Variants in RAPGEF2 observed in about 807,000 individuals in gnomAD.
The protein encoded by RAPGEF2 is Rap guanine nucleotide exchange factor 2.
In RAPGEF2, 54 loss-of-function variants were observed where a neutral mutation model predicts 186.7. The observed-to-expected ratio is 0.29, with a 90% CI of 0.23 to 0.36. RAPGEF2 has a LOEUF of 0.36. RAPGEF2 is among the 10% of genes least tolerant of loss of function. The pLI, the probability that RAPGEF2 is intolerant of heterozygous loss-of-function variation, is 1.00. For synonymous variants in RAPGEF2, 712 were observed against 705.9 expected, an observed-to-expected ratio of 1.01 and a Z score of -0.14; for missense variants, 1,532 against 2,045.0, an observed-to-expected ratio of 0.75 and a Z score of 4.84.
At chr4:159,123,667 C>T (rs1739963732) in intron 1 of RAPGEF2, among the ~76,000 whole-genome samples, 1 of 150,954 alleles carries the variant, frequency 6.6e-6, no homozygotes, top group African/African-American at 2.4e-5. Flanking sequence ...TACAGGCGCC[C>T]ACCACCGCGC....
chr4:159,313,448 G>A (rs1019212627), intron 8 of RAPGEF2, among the ~76,000 whole-genome samples: 2 of 152,054 alleles, frequency 1.3e-5, no homozygotes, highest in Non-Finnish European at 2.9e-5. Flanking sequence ...GATTAGATGA[G>A]TTAATAAATA....
At chr4:159,350,092 C>G in intron 25 of RAPGEF2, 45 bp from the exon 26 acceptor site, 2 of 1,347,452 alleles carry the variant, frequency 1.5e-6, no homozygotes, top group Non-Finnish European at 1.0e-6. Context: ...TGTTTATTTT[C>G]AGACTTGAAA....
At chr4:159,153,642 A>G (rs962421362) in intron 1 of RAPGEF2, among the ~76,000 whole-genome samples, 2 of 152,174 alleles carry the variant, frequency 1.3e-5, no homozygotes, top group Non-Finnish European at 2.9e-5. Flanking sequence ...TCTAAGGTCT[A>G]ATACAGGAGT....
intron 7 of RAPGEF2, among the ~76,000 whole-genome samples, chr4:159,269,558 A>G (rs572946045): frequency 6.6e-6 from 1 of 152,336 alleles, no homozygotes; most frequent in South Asian, 2.1e-4. Flanking sequence ...TTTTCCAGGT[A>G]AAAGTAAGAG....
At chr4:159,171,338 A>G (rs1745885044) in intron 1 of RAPGEF2, among the ~76,000 whole-genome samples, 1 of 152,206 alleles carries the variant, frequency 6.6e-6, no homozygotes, top group African/African-American at 2.4e-5. Flanking sequence ...CTACACGTCA[A>G]GGCACTGATG....
chr4:159,277,038 A>C (rs1194926412), intron 7 of RAPGEF2, among the ~76,000 whole-genome samples: 2 of 151,856 alleles, frequency 1.3e-5, no homozygotes, highest in African/African-American at 4.8e-5. Context: ...CTCATCATTT[A>C]CATTAGGTAT....
chr4:159,292,500 C>T (rs965064117), intron 7 of RAPGEF2, among the ~76,000 whole-genome samples: 3 of 152,022 alleles, frequency 2.0e-5, no homozygotes, highest in African/African-American at 7.3e-5. Flanking sequence ...TGATGGGCTT[C>T]CCCCAACTTC....
intron 3 of RAPGEF2, among the ~76,000 whole-genome samples, chr4:159,199,717 T>C (rs1055586040): frequency 9.9e-5 from 15 of 152,190 alleles, no homozygotes; most frequent in Non-Finnish European, 2.2e-4. Context: ...GTCAGGTGTT[T>C]TGCAGTATTG....
intron 1 of RAPGEF2, among the ~76,000 whole-genome samples, chr4:159,165,123 T>G (rs751831164): frequency 6.6e-6 from 1 of 152,192 alleles, no homozygotes; most frequent in Non-Finnish European, 1.5e-5. Flanking sequence ...TAATATGACA[T>G]CAGTTGAATA....
intron 11 of RAPGEF2, chr4:159,326,512 G>A (rs1001096452): frequency 6.6e-6 from 1 of 152,192 alleles, no homozygotes; most frequent in Admixed American, 6.5e-5. Context: ...CTCATGTTAA[G>A]CCTAAGAACA....
intron 7 of RAPGEF2, among the ~76,000 whole-genome samples, chr4:159,295,773 G>GCT (rs1761937973): frequency 6.8e-6 from 1 of 146,988 alleles, no homozygotes; most frequent in Non-Finnish European, 1.5e-5. Context: ...GCGCGCGCGC[G>GCT]CATGCACATA....
intron 7 of RAPGEF2, chr4:159,282,561 T>A (rs1759868580): frequency 2.3e-6 from 1 of 429,346 alleles, no homozygotes; most frequent in African/African-American, 2.1e-5. Flanking sequence ...ATACAAATTC[T>A]ATGCTTTCGG....
intron 4 of RAPGEF2, among the ~76,000 whole-genome samples, chr4:159,222,857 T>C (rs1365788544): frequency 6.6e-6 from 1 of 152,084 alleles, no homozygotes; most frequent in Non-Finnish European, 1.5e-5. Flanking sequence ...GGAATGTCAT[T>C]ATTAAGATAA....
chr4:159,108,383 C>CT (rs35882271), intron 1 of RAPGEF2, among the ~76,000 whole-genome samples: 18,410 of 107,706 alleles, frequency 0.17, 1,260 homozygotes, highest in East Asian at 0.22. Context: ...ACAGAACTTT[C>CT]TTTTTTTTTT....
intron 7 of RAPGEF2, among the ~76,000 whole-genome samples, chr4:159,295,176 T>C (rs1002708357): frequency 6.6e-6 from 1 of 152,204 alleles, no homozygotes; most frequent in African/African-American, 2.4e-5. Flanking sequence ...GTTTGGAATT[T>C]AAAATAGATG....
intron 1 of RAPGEF2, among the ~76,000 whole-genome samples, chr4:159,162,951 T>TG (rs1338468798): frequency 1.3e-5 from 2 of 152,140 alleles, no homozygotes; most frequent in African/African-American, 4.8e-5. Context: ...GGTTAGGCAG[T>TG]GGACTATAAT....
intron 7 of RAPGEF2, among the ~76,000 whole-genome samples, chr4:159,273,107 C>T (rs1332014935): frequency 6.6e-6 from 1 of 152,152 alleles, no homozygotes; most frequent in Non-Finnish European, 1.5e-5. Flanking sequence ...TAAGACTCCA[C>T]CTCTTCATTA....
chr4:159,154,536 A>G (rs1215046576), intron 1 of RAPGEF2, among the ~76,000 whole-genome samples: 1 of 150,996 alleles, frequency 6.6e-6, no homozygotes, highest in African/African-American at 2.4e-5. Flanking sequence ...AACAACCACC[A>G]AAAAACAAAT....
intron 4 of RAPGEF2, among the ~76,000 whole-genome samples, chr4:159,237,771 G>A (rs1440027446): frequency 6.7e-6 from 1 of 149,334 alleles, no homozygotes; most frequent in Non-Finnish European, 1.5e-5. Flanking sequence ...GGCAGAGGAG[G>A]GAAGATTGAT....
Sources: gnomAD v4.1 joint callset for allele counts (sites outside exome capture counted in the v4.1 genomes callset) on GRCh38, gnomAD v4.1.1 for gene constraint, MANE v1.5 for transcripts, NCBI Gene and HGNC (gene_info 2026-07-23, HGNC 2026-07-21) for gene names.